The following FMN1 variants were observed in gnomAD, a reference collection of about 807,000 sequenced individuals.
FMN1 encodes the protein formin-1.
In FMN1, 110 loss-of-function variants were observed where a neutral mutation model predicts 132.4. The ratio of observed to expected loss-of-function variants is 0.83; its 90% CI spans 0.71 to 0.97. The LOEUF is 0.97. Among genes scored for constraint, FMN1 ranks in the 50% least tolerant of loss-of-function variants. The pLI is 0.00. For missense variants in FMN1, 1,792 were observed against 1,705.3 expected (o/e 1.05, Z -0.90); for synonymous variants, 722 against 651.7 (o/e 1.11, Z -1.64).
chr15:32,812,043 C>CA (rs1164156815), intron 17 of FMN1, among the ~76,000 whole-genome samples: 9 of 150,328 alleles, frequency 6.0e-5, no homozygotes, highest in African/African-American at 2.2e-4. Context: ...AACAAACAAA[C>CA]AAACAAAACC....
chr15:32,818,593 T>C (rs1352835302), intron 17 of FMN1, among the ~76,000 whole-genome samples: 1 of 152,234 alleles, frequency 6.6e-6, no homozygotes, highest in East Asian at 1.9e-4. Context: ...CATTTTAAAA[T>C]AGTGTCTAAT....
chr15:33,044,983 C>A (rs1415604089), intron 6 of FMN1, among the ~76,000 whole-genome samples: 2 of 152,188 alleles, frequency 1.3e-5, no homozygotes, highest in African/African-American at 4.8e-5. Context: ...CCTTGCTTGC[C>A]ACATTGTGGG....
chr15:32,848,695 G>A (rs772656539), intron 17 of FMN1, among the ~76,000 whole-genome samples: 1 of 152,164 alleles, frequency 6.6e-6, no homozygotes, highest in Non-Finnish European at 1.5e-5. Context: ...AAAATGTGAA[G>A]TGCGAAGTAC....
At chr15:32,934,611 T>C (rs1173409444) in intron 9 of FMN1, among the ~76,000 whole-genome samples, 2 of 150,308 alleles carry the variant, frequency 1.3e-5, no homozygotes, top group Non-Finnish European at 3.0e-5. Context: ...TTTTTTTTTT[T>C]TTTTTGGGTG....
chr15:33,057,901 G>A (rs2037292232), intron 6 of FMN1, among the ~76,000 whole-genome samples: 1 of 152,090 alleles, frequency 6.6e-6, no homozygotes, highest in African/African-American at 2.4e-5. Flanking sequence ...GAAAGAGTGT[G>A]CTCTATTTGC....
At chr15:33,012,399 T>C in intron 6 of FMN1, 1 of 920,888 alleles carries the variant, frequency 1.1e-6, no homozygotes, top group Admixed American at 1.7e-5. Context: ...AAGAAGATTC[T>C]CAAAGACCAG....
intron 7 of FMN1, among the ~76,000 whole-genome samples, chr15:32,981,546 T>TAATAATAATAATAATA (rs1566788209): frequency 8.0e-6 from 1 of 125,768 alleles, no homozygotes; most frequent in African/African-American, 3.1e-5. Context: ...TAATAATAAT[T>TAATAATAATAATAATA]ATTATTATTA....
intron 16 of FMN1, among the ~76,000 whole-genome samples, chr15:32,870,808 G>A (rs936023997): frequency 6.6e-6 from 1 of 152,010 alleles, no homozygotes; most frequent in African/African-American, 2.4e-5. Flanking sequence ...CCTTTCACTG[G>A]TCCCCACAAA....
intron 4 of FMN1, among the ~76,000 whole-genome samples, chr15:33,104,220 G>A (rs752996335): frequency 6.6e-6 from 1 of 152,076 alleles, no homozygotes; most frequent in Non-Finnish European, 1.5e-5. Flanking sequence ...GCACAAATTT[G>A]TCAATAATGG....
intron 4 of FMN1, among the ~76,000 whole-genome samples, chr15:33,101,649 T>A (rs1159606258): frequency 1.3e-5 from 2 of 152,094 alleles, no homozygotes; most frequent in African/African-American, 4.8e-5. Context: ...AATACAGCTA[T>A]TTTTACCTGC....
At chr15:33,192,514 A>C (rs1400922149) in intron 2 of FMN1, among the ~76,000 whole-genome samples, 2 of 152,250 alleles carry the variant, frequency 1.3e-5, no homozygotes, top group Non-Finnish European at 2.9e-5. Flanking sequence ...GAATAGGGCC[A>C]GAGGCCTGGA....
At chr15:32,954,925 A>T (rs1252187860) in intron 9 of FMN1, among the ~76,000 whole-genome samples, 1 of 152,184 alleles carries the variant, frequency 6.6e-6, no homozygotes. Flanking sequence ...GAATTGCTTG[A>T]TGAACCTGAG....
chr15:32,897,521 A>G (rs2060189197), intron 15 of FMN1, among the ~76,000 whole-genome samples: 1 of 152,234 alleles, frequency 6.6e-6, no homozygotes, highest in Admixed American at 6.5e-5. Context: ...GTAAAAACAC[A>G]TTAGTAAGAA....
rs1182840331 is a variant in FMN1, at chr15:33,066,803, G to A, written c.2044-1729C>T. On this transcript the variant is annotated intron_variant, in intron 5 of 20. Coordinates refer to ENST00000616417, the MANE Select transcript of FMN1 (RefSeq NM_001277313.2). Reference sequence around the variant, plus strand: ...TTCTCTCCTGGGCGACTCAGGGTCTGCTCCCTTCGGTTCAGTTTTGGGCAT... The same window carrying A: ...TTCTCTCCTGGGCGACTCAGGGTCTACTCCCTTCGGTTCAGTTTTGGGCAT... The A allele has an allele frequency of 3.1e-6, 5 of 1,613,944 alleles. No homozygotes were observed. The South Asian group carries it at 5.5e-5, about 18-fold the overall frequency.
At chr15:32,872,198 A>C (rs529472335) in intron 16 of FMN1, among the ~76,000 whole-genome samples, 2 of 152,368 alleles carry the variant, frequency 1.3e-5, no homozygotes, top group East Asian at 3.9e-4. Flanking sequence ...TATAATTATG[A>C]GCACACAAAA....
At chr15:33,121,475 T>A (rs76574973) in intron 4 of FMN1, among the ~76,000 whole-genome samples, 1,669 of 152,290 alleles carry the variant, frequency 0.011, 36 homozygotes, top group African/African-American at 0.038. Context: ...AAGGTAGAAA[T>A]CATTTGTCTA....
At chr15:33,190,698 G>C (rs1966044761) in intron 2 of FMN1, among the ~76,000 whole-genome samples, 1 of 152,142 alleles carries the variant, frequency 6.6e-6, no homozygotes, top group Non-Finnish European at 1.5e-5. Flanking sequence ...ACATGAACTA[G>C]AGCACTCATA....
intron 10 of FMN1, among the ~76,000 whole-genome samples, chr15:32,918,117 A>AT (rs566655602): frequency 3.8e-4 from 58 of 152,230 alleles, no homozygotes; most frequent in Admixed American, 1.4e-3. Context: ...TAAAAAAAAA[A>AT]GAAACCTGGA....
chr15:32,982,215 G>A (rs1032893893), intron 7 of FMN1, among the ~76,000 whole-genome samples: 7 of 152,178 alleles, frequency 4.6e-5, no homozygotes, highest in Non-Finnish European at 8.8e-5. Flanking sequence ...CCTATTAGGA[G>A]GAGGGAGGAG....
Sources: gnomAD v4.1 joint callset for allele counts (sites outside exome capture counted in the v4.1 genomes callset) on GRCh38, gnomAD v4.1.1 for gene constraint, MANE v1.5 for transcripts, NCBI Gene and HGNC (gene_info 2026-07-23, HGNC 2026-07-21) for gene names.